Variants in CDH13 observed in about 807,000 individuals in gnomAD.
CDH13 encodes cadherin 13, also known as cadherin-13.
Under a neutral mutation model 63.8 loss-of-function variants are expected in CDH13, and 24 were observed. The ratio of observed to expected loss-of-function variants is 0.38; its 90% confidence interval spans 0.27 to 0.53. The LOEUF is 0.53. Ranked by LOEUF, CDH13 falls within the 20% of genes least tolerant of loss-of-function variation. The pLI, the probability that CDH13 is intolerant of heterozygous loss-of-function variation, is 0.85. For missense variants in CDH13, 1,049 were observed against 903.1 expected (o/e 1.16, Z -2.07); for synonymous variants, 503 against 355.3 (o/e 1.42, Z -4.67).
chr16:83,508,026 C>T (rs886163135), intron 7 of CDH13, among the ~76,000 whole-genome samples: 5 of 121,000 alleles, frequency 4.1e-5, no homozygotes, highest in Non-Finnish European at 8.5e-5. Context: ...GAGCAACATT[C>T]GGTCGAAAGA....
At chr16:83,100,230 G>T (rs931097816) in intron 3 of CDH13, among the ~76,000 whole-genome samples, 15 of 152,104 alleles carry the variant, frequency 9.9e-5, no homozygotes, top group Non-Finnish European at 1.8e-4. Flanking sequence ...GTATGGGGGT[G>T]GGGGAGACAA....
chr16:83,391,440 G>A (rs768880496), intron 6 of CDH13, among the ~76,000 whole-genome samples: 24 of 152,020 alleles, frequency 1.6e-4, no homozygotes, highest in Non-Finnish European at 2.4e-4. Context: ...TCCCGACCTC[G>A]TGATCCGCCC....
intron 2 of CDH13, among the ~76,000 whole-genome samples, chr16:83,011,769 A>G (rs7500323): frequency 4.6e-5 from 7 of 151,976 alleles, no homozygotes; most frequent in Admixed American, 1.3e-4. Context: ...AGCAATCGCT[A>G]TTTTACTCTC....
intron 1 of CDH13, among the ~76,000 whole-genome samples, chr16:82,835,728 C>G (rs2038740039): frequency 6.6e-6 from 1 of 152,188 alleles, no homozygotes; most frequent in Non-Finnish European, 1.5e-5. Flanking sequence ...TTGCTGGTCT[C>G]AACTCATGCA....
intron 1 of CDH13, among the ~76,000 whole-genome samples, chr16:82,759,139 C>T (rs1035855154): frequency 5.3e-5 from 8 of 152,146 alleles, no homozygotes; most frequent in African/African-American, 1.4e-4. Context: ...ATAAATGGCC[C>T]GGCTTCCTGT....
intron 7 of CDH13, among the ~76,000 whole-genome samples, chr16:83,589,705 CA>C (rs1567788918): frequency 5.3e-5 from 8 of 152,194 alleles, no homozygotes; most frequent in Non-Finnish European, 1.0e-4. Flanking sequence ...CATCTCACAG[CA>C]TAATCACAGG....
chr16:83,316,471 G>A (rs973782503), intron 5 of CDH13, among the ~76,000 whole-genome samples: 1 of 152,196 alleles, frequency 6.6e-6, no homozygotes, highest in Non-Finnish European at 1.5e-5. Flanking sequence ...CGCTAGAGCT[G>A]GAGATCAGCA....
At chr16:83,290,315 C>T (rs764264465) in intron 5 of CDH13, among the ~76,000 whole-genome samples, 2 of 152,166 alleles carry the variant, frequency 1.3e-5, no homozygotes, top group Non-Finnish European at 2.9e-5. Context: ...CCACCCACAT[C>T]TCACCTTGAA....
At chr16:82,850,162 G>C (rs2039424313) in intron 1 of CDH13, among the ~76,000 whole-genome samples, 1 of 152,162 alleles carries the variant, frequency 6.6e-6, no homozygotes, top group African/African-American at 2.4e-5. Flanking sequence ...AGGACAAAAT[G>C]AGTCAAAAAC....
At chr16:83,235,586 T>TTC (rs549825945) in intron 5 of CDH13, among the ~76,000 whole-genome samples, 1 of 149,810 alleles carries the variant, frequency 6.7e-6, no homozygotes, top group East Asian at 1.9e-4. Flanking sequence ...GGTGGTGTTT[T>TTC]TTTTTTTTTT....
chr16:83,760,779 A>G lies in CDH13; in HGVS notation c.1681+12529A>G, dbSNP rs115448593. On this transcript the variant is annotated intron_variant, in intron 11 of 13. Coordinates refer to ENST00000567109, the MANE Select transcript of CDH13 (RefSeq NM_001257.5). The stretch of plus-strand genomic sequence containing the variant: ...GATTTCTATGTTTCAATAAGAACCT[A>G]ACAAAAAATGCATGGCTGCAGAGAG... Among the ~76,000 whole-genome samples the G allele has an allele frequency of 3.3e-3, 502 of 152,348 alleles. 2 individuals are homozygous for G. Among genetic ancestry groups the G allele is most frequent in the African/African-American group, 0.012 (487 of 41,580 alleles).
intron 1 of CDH13, among the ~76,000 whole-genome samples, chr16:82,758,490 T>A (rs555422716): frequency 1.3e-5 from 2 of 151,008 alleles, no homozygotes; most frequent in South Asian, 2.2e-4. Context: ...AGCAGTCTTC[T>A]GACTCCCACT....
At chr16:83,231,581 G>A (rs2039998542) in intron 5 of CDH13, among the ~76,000 whole-genome samples, 1 of 152,154 alleles carries the variant, frequency 6.6e-6, no homozygotes, top group Admixed American at 6.5e-5. Flanking sequence ...TTAGAAGTAG[G>A]GGGTCTGCAA....
intron 8 of CDH13, among the ~76,000 whole-genome samples, chr16:83,606,413 C>G (rs1031589082): frequency 6.6e-6 from 1 of 152,022 alleles, no homozygotes; most frequent in Non-Finnish European, 1.5e-5. Flanking sequence ...CACTGTTGAA[C>G]AAAATAGAGG....
At chr16:82,710,673 AGTATATTTATATATTT>A (rs2031868995) in intron 1 of CDH13, among the ~76,000 whole-genome samples, 1 of 145,332 alleles carries the variant, frequency 6.9e-6, no homozygotes, top group African/African-American at 2.5e-5. Context: ...AAAAATATAC[AGTATATTTATATATTT>A]GTATATTTAT....
At chr16:83,157,449 A>G (rs138107078) in intron 4 of CDH13, among the ~76,000 whole-genome samples, 2 of 152,190 alleles carry the variant, frequency 1.3e-5, no homozygotes, top group African/African-American at 2.4e-5. Flanking sequence ...GGCTAACCCA[A>G]TTTACATTAT....
intron 7 of CDH13, among the ~76,000 whole-genome samples, chr16:83,564,701 A>G (rs11649627): frequency 0.77 from 117,212 of 152,104 alleles, 45,102 homozygotes; most frequent in Middle Eastern, 0.84. Flanking sequence ...GAGCCATTGC[A>G]CCCAGCAGGG....
chr16:83,544,901 C>G (rs997902304), intron 7 of CDH13, among the ~76,000 whole-genome samples: 2 of 152,182 alleles, frequency 1.3e-5, no homozygotes, highest in African/African-American at 4.8e-5. Context: ...AATGTTAGTT[C>G]TTCTCCCCGT....
At chr16:83,305,013 G>A (rs1168820231) in intron 5 of CDH13, among the ~76,000 whole-genome samples, 4 of 152,158 alleles carry the variant, frequency 2.6e-5, no homozygotes, top group East Asian at 3.9e-4. Context: ...AGCCATATAC[G>A]CATTCCCCAC....
Sources: gnomAD v4.1 joint callset for allele counts (sites outside exome capture counted in the v4.1 genomes callset) on GRCh38, gnomAD v4.1.1 for gene constraint, MANE v1.5 for transcripts, NCBI Gene and HGNC (gene_info 2026-07-23, HGNC 2026-07-21) for gene names.